TTN: variants seen among roughly 807,000 people sequenced by gnomAD.
TTN encodes titin.
TTN carries 1,525 observed loss-of-function variants against 3,223.0 expected under a neutral mutation model. That is an observed-to-expected ratio of 0.47 (90% CI 0.45 to 0.49). TTN has a LOEUF of 0.49. TTN is among the 20% of genes least tolerant of loss of function. The probability of loss-of-function intolerance (pLI) is 0.00; values close to 1 mark genes in which losing one functional copy is unlikely to be tolerated. For synonymous variants in TTN, 14,094 were observed against 15,161.0 expected, an observed-to-expected ratio of 0.93 and a Z score of 5.17; for missense variants, 40,786 against 43,424.0, an observed-to-expected ratio of 0.94 and a Z score of 5.40.
At chr2:178,792,858 T>C (rs1156338599) in intron 9 of TTN, among the ~76,000 whole-genome samples, 1 of 152,190 alleles carries the variant, frequency 6.6e-6, no homozygotes, top group Non-Finnish European at 1.5e-5. Context: ...GGCCAAGAGC[T>C]CTACTAACTG....
chr2:178,731,187 G>C lies in TTN; in HGVS notation c.17478C>G (p.Thr5826=), dbSNP rs376968974. 6.2e-7 allele frequency: 1 copy of C among 1,613,108 alleles called. No individual in the cohort carries two copies. Among genetic ancestry groups the C allele is most frequent in the South Asian group, 1.1e-5 (1 of 91,022 alleles). The change falls in exon 60 of 363, where the codon ACC becomes ACG. Residue 5826 remains threonine (T), a synonymous_variant. Coordinates refer to ENST00000589042, the MANE Select transcript of TTN (RefSeq NM_001267550.2). ...LLSVKEPATI[T]EEAVSIDVTQ... Reference sequence around the variant, plus strand: ...TGACATCTATAGACACAGCTTCCTCGGTGATTGTTGCAGGTTCTGTAGAAA... The same window carrying C: ...TGACATCTATAGACACAGCTTCCTCCGTGATTGTTGCAGGTTCTGTAGAAA...
At chr2:178,726,893 A>G (rs1047719758) in intron 69 of TTN, 197 bp downstream of exon 69, 6 of 450,948 alleles carry the variant, frequency 1.3e-5, no homozygotes, top group Non-Finnish European at 1.8e-5. Flanking sequence ...GAATAACAAA[A>G]ATATTTCATA....
chr2:178,647,364 A>C lies in TTN; in HGVS notation c.40141+17T>G. 6.5e-7 allele frequency: 1 copy of C among 1,548,616 alleles called. No individual in the cohort carries two copies. Among genetic ancestry groups the C allele is most frequent in the Non-Finnish European group, 8.7e-7 (1 of 1,145,882 alleles). On this transcript the variant is annotated intron_variant, in intron 214 of 362. Transcript: ENST00000589042. ...GACAATTGTCATCTTTCCAAGATTTATGGAGAAGCCGTGTACCTTCAGCAG... is the reference window on the plus strand; with the variant it reads ...GACAATTGTCATCTTTCCAAGATTTCTGGAGAAGCCGTGTACCTTCAGCAG...
Position 178,739,515 on chromosome 2 carries a change from G to A in TTN, c.13718C>T (p.Ser4573Leu), listed in dbSNP as rs752991757. The A allele has an allele frequency of 1.4e-5, 22 of 1,613,574 alleles. No homozygotes were observed. The Admixed American group carries it at 3.7e-4, about 27-fold the overall frequency. ...DEKQDESLKP[S>L]EEKEESSSES... ...AGAGGAAGACTCCTCTTTTTCCTCT[G>A]ATGGTTTCAGACTCTCATCTTGTTT... Residue 4573 changes from serine (S) to leucine (L), a missense_variant, in exon 48 of 363, where the codon TCA (serine) becomes TTA (leucine). By Grantham distance (145) the Ser-to-Leu change is moderately radical. Coordinates refer to ENST00000589042, the MANE Select transcript of TTN (RefSeq NM_001267550.2).
At position 178,528,395 on chromosome 2, in the gene TTN, G is replaced by A; in HGVS notation, c.107256C>T (p.Arg35752=). The A allele has an allele frequency of 6.2e-7, 1 of 1,613,760 alleles. No homozygotes were observed. Among genetic ancestry groups the A allele is most frequent in the Non-Finnish European group, 8.5e-7 (1 of 1,179,814 alleles). Residue 35752 remains arginine, a synonymous_variant, in exon 361 of 363, where the codon CGC becomes CGT. Transcript: ENST00000589042. ...TTTCAAGGGAGTATACATTTCTGGA[G>A]CGGCTTATGCTGACATTTGAAGAAA... ...ISISSNVSIS[R]SRNVYSLEIR...
At position 178,733,496 on chromosome 2, in the gene TTN, C is replaced by T. The variant is rs749816144; in HGVS notation, c.15797G>A (p.Arg5266Gln). The change falls in exon 54 of 363, where the codon CGA (arginine) becomes CAA (glutamine). Residue 5266 changes from arginine to glutamine, a missense_variant. Physicochemically the swap from Arg to Gln is conservative, Grantham distance 43. Transcript: ENST00000589042. Reference protein sequence around the residue: ...IVKEPAKIIERAELIQVTAGD... With the variant: ...IVKEPAKIIEQAELIQVTAGD... ...TGCTGTCACCTGGATCAGTTCTGCT[C>T]GCTCAATGATTTTGGCAGGTTCTAC... 1.2e-5 allele frequency: 19 copies of T among 1,611,340 alleles called. No individual in the cohort carries two copies. The highest frequency in any genetic ancestry group is 2.2e-5 in the East Asian group (1 of 44,826).
intron 255 of TTN, 26 bp downstream of exon 255, chr2:178,617,094 G>A (rs752301688): frequency 5.0e-6 from 8 of 1,609,916 alleles, no homozygotes; most frequent in East Asian, 4.5e-5. Context: ...GCTATTCCCC[G>A]ATCTAAAAAT....
In TTN at chr2:178,776,786, T is replaced by C. The variant is rs1203066001; in HGVS notation, c.5078A>G (p.Asp1693Gly). The C allele has an allele frequency of 6.2e-7, 1 of 1,614,150 alleles. No individual in the cohort carries two copies. The highest frequency in any genetic ancestry group is 1.7e-5 in the Admixed American group (1 of 60,004). The part of the protein sequence containing the change: ...RYGQEQWEEG[D>G]LYDKEKQQKP... ...CTGTTGTTTCTCTTTGTCATAGAGA[T>C]CACCTTCTTCCCATTGCTCTTGGCC... The change falls in exon 28 of 363, where the codon GAT (aspartate) becomes GGT (glycine). Residue 1693 changes from aspartate to glycine, a missense_variant. Transcript: ENST00000589042.
chr2:178,617,114 A>T lies in TTN; in HGVS notation c.47875+6T>A, dbSNP rs780524253. 3.1e-6 allele frequency: 5 copies of T among 1,610,148 alleles called. No individual in the cohort carries two copies. In the African/African-American group the frequency reaches 6.7e-5, roughly 22 times the overall value. On this transcript the variant is annotated splice_donor_region_variant and intron_variant, in intron 255 of 362. Coordinates refer to ENST00000589042, the MANE Select transcript of TTN (RefSeq NM_001267550.2). ...TCCCCGATCTAAAAATAAAATATCT[A>T]TTTACCAAATGCATCGTCAGCGGTG...
At chr2:178,764,328 T>C (rs1266320570) in intron 42 of TTN, 26 bp from the exon 43 acceptor site, 2 of 1,613,322 alleles carry the variant, frequency 1.2e-6, no homozygotes, top group Admixed American at 1.7e-5. Flanking sequence ...ACAAGATTTG[T>C]CATGATTAAG....
chr2:178,574,944 G>A lies in TTN; in HGVS notation c.71188C>T (p.Pro23730Ser). The A allele has an allele frequency of 1.2e-6, 2 of 1,613,022 alleles. No homozygotes were observed. Among genetic ancestry groups the A allele is most frequent in the Non-Finnish European group, 1.7e-6 (2 of 1,179,528 alleles). Residue 23730 changes from proline (P) to serine (S), a missense_variant, in exon 326 of 363, where the codon CCT becomes TCT. Pro to Ser is a moderately conservative substitution (Grantham distance 74). Coordinates refer to ENST00000589042, the MANE Select transcript of TTN (RefSeq NM_001267550.2). ...TCATCAAATTTGATTGGTCCAGTAG[G>A]TGGCCCTGGGATATCATGGACTTGA... ...TIQVHDIPGP[P>S]TGPIKFDEVS...
intron 111 of TTN, among the ~76,000 whole-genome samples, chr2:178,699,566 C>T (rs1437693185): frequency 3.0e-4 from 43 of 145,572 alleles, no homozygotes; most frequent in Middle Eastern, 3.5e-3. Flanking sequence ...CGCCCGCCAC[C>T]GCGCCCGGCT....
Position 178,566,355 on chromosome 2 carries a change from C to T in TTN, c.79777G>A (p.Asp26593Asn). 1 of 1,613,538 alleles carries T rather than the reference C, an allele frequency of 6.2e-7. No individual in the cohort carries two copies. Among genetic ancestry groups the T allele is most frequent in the Admixed American group, 1.7e-5 (1 of 59,974 alleles). The change falls in exon 326 of 363, where the codon GAC becomes AAC. Residue 26593 changes from aspartate to asparagine, a missense_variant. Coordinates refer to ENST00000589042, the MANE Select transcript of TTN (RefSeq NM_001267550.2). ...PEDKLEAPEL[D>N]LDSELRKGIV... ...CCTTTTCTTAATTCGGAGTCAAGGT[C>T]AAGTTCAGGTGCTTCAAGTTTATCT...
chr2:178,644,624 G>A lies in TTN; in HGVS notation c.40409-8C>T. 6.5e-7 allele frequency: 1 copy of A among 1,539,986 alleles called. No homozygotes were observed. Among genetic ancestry groups the A allele is most frequent in the Non-Finnish European group, 8.7e-7 (1 of 1,147,146 alleles). ...CTTTCTTCTTTGGAATAGCTTTAAA[G>A]AATATGATTTTACTTTTGTTATTTG... On this transcript the variant is annotated splice_region_variant and splice_polypyrimidine_tract_variant and intron_variant, in intron 217 of 362. Transcript: ENST00000589042.
At chr2:178,612,652 A>C (rs1016524707) in intron 265 of TTN, 76 bp from the exon 266 acceptor site, 1 of 1,543,434 alleles carries the variant, frequency 6.5e-7, no homozygotes, top group African/African-American at 1.4e-5. Context: ...GCAGGCAGTC[A>C]TTAAGAAGTA....
chr2:178,697,136 A>G lies in TTN; in HGVS notation c.30787T>C (p.Leu10263=), dbSNP rs756015749. 1.1e-5 allele frequency: 17 copies of G among 1,552,870 alleles called. No homozygotes were observed. Among genetic ancestry groups the G allele is most frequent in the Non-Finnish European group, 1.5e-5 (17 of 1,148,046 alleles). The change falls in exon 113 of 363, where the codon TTA becomes CTA. Residue 10263 remains leucine (L), a synonymous_variant. Transcript: ENST00000589042. ...CTTTATTTACCTTTTGCTGGAATTA[A>G]GGTAGTAGGAGGTGGAGGCTTCTTG... is the stretch of plus-strand genomic sequence containing the variant. The part of the protein sequence containing the change: ...IVKKPPPPTT[L]IPAKAPEIID...
intron 255 of TTN, 52 bp downstream of exon 255, chr2:178,617,068 C>T (rs1422650248): frequency 1.9e-6 from 3 of 1,610,724 alleles, no homozygotes; most frequent in Non-Finnish European, 2.5e-6. Flanking sequence ...TCCCTGTTGC[C>T]CCAAAGTAGC....
In TTN at chr2:178,694,868, A is replaced by T; in HGVS notation, c.31309T>A (p.Ser10437Thr). 1 of 1,559,434 alleles carries T rather than the reference A, an allele frequency of 6.4e-7. No individual in the cohort carries two copies. The highest frequency in any genetic ancestry group is 8.7e-7 in the Non-Finnish European group (1 of 1,150,102). Residue 10437 changes from serine (S) to threonine (T), a missense_variant, in exon 116 of 363, where the codon TCT (serine) becomes ACT (threonine). Transcript: ENST00000589042. ...ACTTTTTCTTCCTCCATTCTTCGAG[A>T]AGTCTTTTCAATTTTTTCAATTACT... ...KPVIEKIEKT[S>T]RRMEEEKVQV...
chr2:178,586,216 G>A (rs2048927929), intron 308 of TTN, among the ~76,000 whole-genome samples: 1 of 152,200 alleles, frequency 6.6e-6, no homozygotes, highest in African/African-American at 2.4e-5. Context: ...TTCTTCATAT[G>A]TTTGTTGTAC....
Sources: allele counts gnomAD v4.1 joint callset (sites outside exome capture counted in the v4.1 genomes callset), GRCh38; gene constraint gnomAD v4.1.1; transcripts MANE v1.5; gene names NCBI Gene and HGNC (gene_info 2026-07-23, HGNC 2026-07-21).